COG5: variants seen among roughly 807,000 people sequenced by gnomAD.
COG5 encodes the protein component of oligomeric golgi complex 5.
A neutral mutation model predicts 110.4 loss-of-function variants in COG5; 86 were observed. That is an observed-to-expected ratio of 0.78 (90% CI 0.65 to 0.93). The LOEUF is 0.93. COG5 is among the 40% of genes least tolerant of loss of function. COG5 has a pLI of 0.00. For missense variants in COG5, 1,077 were observed against 987.0 expected, an observed-to-expected ratio of 1.09 and a Z score of -1.22; for synonymous variants, 360 against 334.6, an observed-to-expected ratio of 1.08 and a Z score of -0.83.
chr7:107,437,967 C>T (rs1013154107), intron 6 of COG5, among the ~76,000 whole-genome samples: 10 of 152,032 alleles, frequency 6.6e-5, no homozygotes, highest in African/African-American at 2.2e-4. Flanking sequence ...GATATATGTT[C>T]CAATCTGTCA....
intron 7 of COG5, among the ~76,000 whole-genome samples, chr7:107,386,329 T>A (rs1391470685): frequency 6.6e-6 from 1 of 151,424 alleles, no homozygotes; most frequent in Non-Finnish European, 1.5e-5. Flanking sequence ...CTCCTGAGAG[T>A]CTGTAAGCGG....
At chr7:107,344,674 G>A (rs1452575852) in intron 10 of COG5, among the ~76,000 whole-genome samples, 4 of 152,028 alleles carry the variant, frequency 2.6e-5, no homozygotes, top group African/African-American at 9.7e-5. Context: ...ACAGGCATGC[G>A]CCACCACACC....
intron 10 of COG5, among the ~76,000 whole-genome samples, chr7:107,354,435 T>C (rs977362985): frequency 6.6e-6 from 1 of 152,132 alleles, no homozygotes; most frequent in African/African-American, 2.4e-5. Context: ...TCCCAGCACT[T>C]TGGGAAGCCA....
intron 7 of COG5, among the ~76,000 whole-genome samples, chr7:107,384,634 C>T (rs1251308332): frequency 1.3e-5 from 2 of 152,108 alleles, no homozygotes. Context: ...AGGAAAAGTC[C>T]TGCAACAATG....
chr7:107,272,028 G>C (rs1432483113), intron 14 of COG5, among the ~76,000 whole-genome samples: 1 of 152,080 alleles, frequency 6.6e-6, no homozygotes, highest in East Asian at 1.9e-4. Flanking sequence ...ATACCTGGGG[G>C]ATTTTCCAGG....
At chr7:107,271,869 T>C (rs182001223) in intron 14 of COG5, among the ~76,000 whole-genome samples, 4 of 152,310 alleles carry the variant, frequency 2.6e-5, no homozygotes, top group Admixed American at 6.5e-5. Flanking sequence ...AATAAAAGTA[T>C]TCAATGATTT....
chr7:107,416,982 T>C (rs562047333), intron 6 of COG5, among the ~76,000 whole-genome samples: 96 of 152,306 alleles, frequency 6.3e-4, no homozygotes, highest in Non-Finnish European at 9.7e-4. Context: ...CAGTGGAGCA[T>C]TGGAATTTGT....
intron 1 of COG5, among the ~76,000 whole-genome samples, chr7:107,562,428 C>A (rs1221394706): frequency 1.3e-5 from 2 of 152,178 alleles, no homozygotes; most frequent in African/African-American, 4.8e-5. Flanking sequence ...CAGTTTCCAA[C>A]CCCCAGTTAT....
intron 2 of COG5, among the ~76,000 whole-genome samples, chr7:107,557,023 C>T (rs776746577): frequency 2.3e-4 from 35 of 152,262 alleles, no homozygotes; most frequent in Non-Finnish European, 2.9e-4. Flanking sequence ...CCCGCCTCAG[C>T]CTCCCAAAGT....
At chr7:107,343,213 A>G (rs1476882398) in intron 10 of COG5, among the ~76,000 whole-genome samples, 1 of 152,174 alleles carries the variant, frequency 6.6e-6, no homozygotes, top group Non-Finnish European at 1.5e-5. Context: ...ACTCGGGTCT[A>G]CTAGAGGAGG....
chr7:107,445,296 T>C (rs1267446277), intron 6 of COG5, among the ~76,000 whole-genome samples: 1 of 152,228 alleles, frequency 6.6e-6, no homozygotes, highest in South Asian at 2.1e-4. Context: ...CTTAAAACCA[T>C]ACACATTTCT....
At position 107,288,978 on chromosome 7, in the gene COG5, A is replaced by G. The variant is rs183725748; in HGVS notation, c.1314-5246T>C. Among the ~76,000 whole-genome samples, 86 of 130,840 alleles carry G rather than the reference A, an allele frequency of 6.6e-4. 1 individual carries two copies. Among genetic ancestry groups the G allele is most frequent in the African/African-American group, 2.3e-3 (81 of 35,456 alleles). 85.8% of individuals were successfully genotyped at this position (130,840 alleles called of 152,430 possible). A position where few individuals can be genotyped will look rare whatever the true frequency, so the allele number is the denominator to read the frequency against. ...TATATATATATTTAAAAATTTATCTATATTTTTAATTTTTACATTGATTGA... is the reference window on the plus strand; with the variant it reads ...TATATATATATTTAAAAATTTATCTGTATTTTTAATTTTTACATTGATTGA... On this transcript the variant is annotated intron_variant, in intron 12 of 21. Transcript: ENST00000297135.
chr7:107,207,904 C>A, intron 21 of COG5: 1 of 985,402 alleles, frequency 1.0e-6, no homozygotes, highest in South Asian at 4.7e-5. Context: ...TCAATTTGCC[C>A]TATTTTATGA....
At chr7:107,219,643 G>C (rs1347860623) in intron 19 of COG5, among the ~76,000 whole-genome samples, 2 of 152,098 alleles carry the variant, frequency 1.3e-5, no homozygotes, top group East Asian at 3.9e-4. Context: ...AGAACTCATA[G>C]AGGCAGAGAA....
At chr7:107,430,794 AG>A (rs1452711471) in intron 6 of COG5, among the ~76,000 whole-genome samples, 1 of 152,220 alleles carries the variant, frequency 6.6e-6, no homozygotes, top group Non-Finnish European at 1.5e-5. Flanking sequence ...ACATGCTAAA[AG>A]GAACAATGCA....
At chr7:107,380,277 T>C (rs766831298) in intron 7 of COG5, among the ~76,000 whole-genome samples, 6 of 151,636 alleles carry the variant, frequency 4.0e-5, no homozygotes, top group Non-Finnish European at 7.4e-5. Flanking sequence ...AGCAAACAAA[T>C]TCAACAGCTA....
intron 14 of COG5, among the ~76,000 whole-genome samples, chr7:107,265,482 C>T (rs767704308): frequency 6.6e-6 from 1 of 151,988 alleles, no homozygotes; most frequent in Non-Finnish European, 1.5e-5. Context: ...CCACTTTTTG[C>T]CCTCACTGGT....
Position 107,509,312 on chromosome 7 carries a change from A to C in COG5, c.538+17925T>G, listed in dbSNP as rs573323040. ...AAGGGTACCAGTGATGGAAGACGAA[A>C]TGAATGAACTGAAGCGAGAAGGGAA... is the stretch of plus-strand genomic sequence containing the variant. On this transcript the variant is annotated intron_variant, in intron 6 of 21. Coordinates refer to ENST00000297135, the MANE Select transcript of COG5 (RefSeq NM_006348.5). Among the ~76,000 whole-genome samples the C allele has an allele frequency of 5.1e-4, 77 of 152,320 alleles. 1 individual carries two copies. The highest frequency in any genetic ancestry group is 1.2e-3 in the Admixed American group (19 of 15,294).
At chr7:107,515,559 T>A (rs1444206833) in intron 6 of COG5, among the ~76,000 whole-genome samples, 7 of 152,166 alleles carry the variant, frequency 4.6e-5, no homozygotes, top group Admixed American at 3.3e-4. Context: ...GATACAGTCA[T>A]CCTCACCCTC....
Sources: gnomAD v4.1 joint callset for allele counts (sites outside exome capture counted in the v4.1 genomes callset) on GRCh38, gnomAD v4.1.1 for gene constraint, MANE v1.5 for transcripts, NCBI Gene and HGNC (gene_info 2026-07-23, HGNC 2026-07-21) for gene names.